The following SRPK2 variants were observed in gnomAD, a reference collection of about 807,000 sequenced individuals.
The protein encoded by SRPK2 is SRSF protein kinase 2, also known as SFRS protein kinase 2.
Under a neutral mutation model 90.8 loss-of-function variants are expected in SRPK2, and 21 were observed. That is an observed-to-expected ratio of 0.23 (90% confidence interval 0.16 to 0.33). The LOEUF (loss-of-function observed/expected upper bound fraction) is 0.33, where lower values mean the gene tolerates loss of function less well. Ranked by LOEUF, SRPK2 falls within the 10% of genes least tolerant of loss-of-function variation. SRPK2 has a pLI of 1.00. For synonymous variants in SRPK2, 288 were observed against 311.1 expected, an observed-to-expected ratio of 0.93 and a Z score of 0.78; for missense variants, 620 against 869.0, an observed-to-expected ratio of 0.71 and a Z score of 3.60.
chr7:105,365,227 G>A (rs1169952632), intron 2 of SRPK2, among the ~76,000 whole-genome samples: 2 of 152,104 alleles, frequency 1.3e-5, no homozygotes, highest in South Asian at 4.1e-4. Context: ...GCTCACGCCT[G>A]TAATCCCAAC....
intron 1 of SRPK2, among the ~76,000 whole-genome samples, chr7:105,398,903 A>C (rs1822398332): frequency 6.6e-6 from 1 of 152,156 alleles, no homozygotes; most frequent in Non-Finnish European, 1.5e-5. Flanking sequence ...AATATTACCT[A>C]CCCTACAAAT....
intron 4 of SRPK2, among the ~76,000 whole-genome samples, chr7:105,168,744 A>ACTGTGTGT (rs1165915539): frequency 3.9e-5 from 1 of 25,454 alleles, no homozygotes; most frequent in Admixed American, 3.7e-4. Flanking sequence ...ACACGCACCA[A>ACTGTGTGT]ATGTGTGTGT....
chr7:105,158,503 T>C (rs1001785762), intron 7 of SRPK2, among the ~76,000 whole-genome samples: 5 of 152,186 alleles, frequency 3.3e-5, no homozygotes, highest in African/African-American at 9.7e-5. Context: ...TCCACCCGCC[T>C]TGGCCGCCCA....
intron 3 of SRPK2, 30 bp from the exon 4 acceptor site, chr7:105,169,295 T>A: frequency 6.4e-7 from 1 of 1,552,742 alleles, no homozygotes; most frequent in East Asian, 2.2e-5. Flanking sequence ...AGAAAAAAAT[T>A]CAAAATATTC....
intron 2 of SRPK2, among the ~76,000 whole-genome samples, chr7:105,372,738 T>C (rs1435043210): frequency 6.6e-6 from 1 of 152,202 alleles, no homozygotes; most frequent in Non-Finnish European, 1.5e-5. Context: ...ATTGCCTTAT[T>C]TGAATATATG....
intron 2 of SRPK2, among the ~76,000 whole-genome samples, chr7:105,356,472 A>C (rs1369622352): frequency 6.6e-6 from 1 of 152,186 alleles, no homozygotes; most frequent in Non-Finnish European, 1.5e-5. Context: ...GTGACAATTA[A>C]ACCTGATAAA....
chr7:105,395,608 T>G (rs942149791), intron 1 of SRPK2, among the ~76,000 whole-genome samples: 2 of 152,062 alleles, frequency 1.3e-5, no homozygotes, highest in Non-Finnish European at 2.9e-5. Context: ...TGCACCCCTG[T>G]AATCCCAGCC....
chr7:105,365,131 A>T (rs1381158873), intron 2 of SRPK2, among the ~76,000 whole-genome samples: 1 of 152,090 alleles, frequency 6.6e-6, no homozygotes, highest in African/African-American at 2.4e-5. Context: ...AATTGGATTA[A>T]TGTCCTCTAT....
chr7:105,299,275 C>G (rs1810234941), intron 2 of SRPK2, among the ~76,000 whole-genome samples: 1 of 152,192 alleles, frequency 6.6e-6, no homozygotes, highest in African/African-American at 2.4e-5. Flanking sequence ...AAAATCTTTG[C>G]TACGTCAACC....
At chr7:105,244,924 G>C in intron 2 of SRPK2, 1 of 1,481,766 alleles carries the variant, frequency 6.7e-7, no homozygotes, top group Non-Finnish European at 9.3e-7. Flanking sequence ...GAGGAGCAAA[G>C]CAACGTCCTG....
At chr7:105,300,759 G>GA (rs1369675423) in intron 2 of SRPK2, among the ~76,000 whole-genome samples, 5 of 152,158 alleles carry the variant, frequency 3.3e-5, no homozygotes, top group African/African-American at 1.2e-4. Flanking sequence ...GCAGACACAT[G>GA]AAAAAATGCT....
intron 2 of SRPK2, among the ~76,000 whole-genome samples, chr7:105,341,457 G>C (rs956385626): frequency 2.6e-5 from 4 of 151,250 alleles, no homozygotes; most frequent in Admixed American, 2.6e-4. Context: ...TGGATCGCTT[G>C]AGGCCAGGAG....
upstream of SRPK2, among the ~76,000 whole-genome samples, chr7:105,389,671 A>G (rs1822092321): frequency 6.6e-6 from 1 of 152,222 alleles, no homozygotes; most frequent in African/African-American, 2.4e-5. Flanking sequence ...CTGAGTCCCA[A>G]CGAGGTTAAA....
chr7:105,267,697 C>T (rs1260927600), intron 2 of SRPK2, among the ~76,000 whole-genome samples: 3 of 152,146 alleles, frequency 2.0e-5, no homozygotes, highest in African/African-American at 4.8e-5. Context: ...GATAATTTTA[C>T]ATCAGATTAT....
intron 2 of SRPK2, chr7:105,301,621 A>G (rs1044187331): frequency 6.2e-6 from 10 of 1,609,258 alleles, no homozygotes; most frequent in Non-Finnish European, 8.5e-6. Flanking sequence ...TTTTCAATAT[A>G]GGATAGGTGA....
At position 105,186,566 on chromosome 7, in the gene SRPK2, T is replaced by C. The variant is rs190349500; in HGVS notation, c.229+17062A>G. 1.2e-4 allele frequency among the ~76,000 whole-genome samples: 19 copies of C among 152,360 alleles called. No homozygotes were observed. In the East Asian group the frequency reaches 3.3e-3, roughly 26 times the overall value. On this transcript the variant is annotated intron_variant, in intron 3 of 15. Coordinates refer to ENST00000393651, the MANE Select transcript of SRPK2 (RefSeq NM_182692.3). ...GCTTTATTGATTTCTTGTTGCTGTA[T>C]TCTGACGGACTGTGTTCTTCAACAA...
At chr7:105,139,315 A>C (rs947532092) in intron 11 of SRPK2, among the ~76,000 whole-genome samples, 5 of 152,236 alleles carry the variant, frequency 3.3e-5, no homozygotes, top group African/African-American at 1.2e-4. Flanking sequence ...AGGAGAGGCA[A>C]GCAATGACAC....
chr7:105,371,142 G>A (rs890971044), intron 2 of SRPK2, among the ~76,000 whole-genome samples: 16 of 152,000 alleles, frequency 1.1e-4, no homozygotes, highest in Non-Finnish European at 8.8e-5. Context: ...GGTGGCTCAC[G>A]TCTGTAATCC....
chr7:105,319,935 T>C (rs1430103655), intron 2 of SRPK2, among the ~76,000 whole-genome samples: 1 of 151,808 alleles, frequency 6.6e-6, no homozygotes, highest in East Asian at 1.9e-4. Flanking sequence ...CCCGTGATTC[T>C]TGGGGCTGCC....
Sources: allele counts gnomAD v4.1 joint callset (sites outside exome capture counted in the v4.1 genomes callset), GRCh38; gene constraint gnomAD v4.1.1; transcripts MANE v1.5; gene names NCBI Gene and HGNC (gene_info 2026-07-23, HGNC 2026-07-21).